The following PRKCB variants were observed in gnomAD, a reference collection of about 807,000 sequenced individuals.
PRKCB encodes the protein protein kinase C beta type.
PRKCB carries 13 observed loss-of-function variants against 81.5 expected under a neutral mutation model. The observed-to-expected ratio is 0.16, with a 90% CI of 0.10 to 0.25. The LOEUF (loss-of-function observed/expected upper bound fraction) is 0.25. PRKCB is among the 10% of genes least tolerant of loss of function. PRKCB has a pLI of 1.00. For missense variants in PRKCB, 509 were observed against 875.7 expected, an observed-to-expected ratio of 0.58 and a Z score of 5.29; for synonymous variants, 335 against 321.4, an observed-to-expected ratio of 1.04 and a Z score of -0.45.
intron 2 of PRKCB, among the ~76,000 whole-genome samples, chr16:23,885,501 G>T (rs1048232323): frequency 1.3e-5 from 2 of 152,020 alleles, no homozygotes; most frequent in Non-Finnish European, 2.9e-5. Flanking sequence ...TAGAGATGGG[G>T]TTTCACCATC....
chr16:23,880,059 T>G (rs1483137704), intron 2 of PRKCB, among the ~76,000 whole-genome samples: 1 of 152,086 alleles, frequency 6.6e-6, no homozygotes, highest in Non-Finnish European at 1.5e-5. Context: ...GCTCTGAAAG[T>G]GTATTAATAT....
chr16:23,875,160 C>G (rs138756909), intron 2 of PRKCB, among the ~76,000 whole-genome samples: 3 of 151,944 alleles, frequency 2.0e-5, no homozygotes, highest in Admixed American at 6.6e-5. Flanking sequence ...CCTCAGCCCC[C>G]ACAAGTGGTT....
At chr16:24,111,875 A>T (rs765701474) in intron 7 of PRKCB, among the ~76,000 whole-genome samples, 2 of 152,214 alleles carry the variant, frequency 1.3e-5, no homozygotes, top group Non-Finnish European at 2.9e-5. Context: ...CTGAATGCCA[A>T]GTGCTGTGCT....
At chr16:24,208,452 T>G (rs1195192077) in intron 16 of PRKCB, 1 of 152,164 alleles carries the variant, frequency 6.6e-6, no homozygotes, top group African/African-American at 2.4e-5. Flanking sequence ...CTGTCTAGAT[T>G]CTTAAATTCA....
chr16:23,962,256 C>G (rs1239519609), intron 2 of PRKCB, among the ~76,000 whole-genome samples: 2 of 152,254 alleles, frequency 1.3e-5, no homozygotes, highest in South Asian at 2.1e-4. Context: ...GTGCCACAAC[C>G]CTCGCCACCT....
At chr16:23,967,711 G>A (rs1567328935) in intron 2 of PRKCB, among the ~76,000 whole-genome samples, 1 of 151,772 alleles carries the variant, frequency 6.6e-6, no homozygotes, top group Non-Finnish European at 1.5e-5. Flanking sequence ...GGAGTGCAAT[G>A]GCACAACCCC....
chr16:24,090,030 A>T (rs1040958435), intron 5 of PRKCB, among the ~76,000 whole-genome samples: 2 of 152,128 alleles, frequency 1.3e-5, no homozygotes, highest in Admixed American at 1.3e-4. Flanking sequence ...GGACCCTGGG[A>T]TCTTATAGCC....
rs1216692460 is a variant in PRKCB at position 24,021,087 on chromosome 16, C to CT, written c.289-11042dup. On this transcript the variant is annotated intron_variant, in intron 3 of 16. Transcript: ENST00000643927. ...CCCTCCCTCCCTTCTTTCTTTCTTTCTTTTTTTCTTTCTTTCTTTCCTTCT... is the reference window on the plus strand; with the variant it reads ...CCCTCCCTCCCTTCTTTCTTTCTTTCTTTTTTTTCTTTCTTTCTTTCCTTCT... Among the ~76,000 whole-genome samples the CT allele has an allele frequency of 3.3e-5, 4 of 119,904 alleles. No homozygotes were observed. The Middle Eastern group carries it at 0.014, about 405-fold the overall frequency. The allele number at this position is 119,904 out of a possible 152,430, so 78.7% of individuals were successfully genotyped here. A position where few individuals can be genotyped will look rare whatever the true frequency, so the allele number is the denominator to read the frequency against.
chr16:23,855,733 G>A (rs1182113786), intron 2 of PRKCB, among the ~76,000 whole-genome samples: 2 of 152,226 alleles, frequency 1.3e-5, no homozygotes, highest in Admixed American at 1.3e-4. Flanking sequence ...AGTTGTAATA[G>A]AGGCCAAAGC....
intron 2 of PRKCB, among the ~76,000 whole-genome samples, chr16:23,899,940 G>A (rs1034402770): frequency 1.3e-5 from 2 of 152,078 alleles, no homozygotes; most frequent in African/African-American, 4.8e-5. Flanking sequence ...TCCTGTCTCA[G>A]CCTCCCAAAG....
chr16:24,077,185 C>CGT (rs1252091029), intron 5 of PRKCB, among the ~76,000 whole-genome samples: 1 of 151,660 alleles, frequency 6.6e-6, no homozygotes, highest in Non-Finnish European at 1.5e-5. Context: ...TGCACATGCA[C>CGT]GTGTGTGTGT....
intron 5 of PRKCB, among the ~76,000 whole-genome samples, chr16:24,080,402 G>T (rs1416637552): frequency 6.6e-6 from 1 of 152,200 alleles, no homozygotes; most frequent in Non-Finnish European, 1.5e-5. Flanking sequence ...GTTGTAGATT[G>T]CACCAAAGGG....
At chr16:24,207,773 A>T (rs1396826573) in intron 16 of PRKCB, among the ~76,000 whole-genome samples, 4 of 152,196 alleles carry the variant, frequency 2.6e-5, no homozygotes, top group Non-Finnish European at 5.9e-5. Context: ...TCGTGGAGGA[A>T]GTGACACTGC....
At chr16:23,926,038 G>A (rs1002648552) in intron 2 of PRKCB, among the ~76,000 whole-genome samples, 2 of 151,886 alleles carry the variant, frequency 1.3e-5, no homozygotes, top group African/African-American at 2.4e-5. Context: ...ACACTGGGAG[G>A]CTGACGAAGG....
intron 13 of PRKCB, among the ~76,000 whole-genome samples, chr16:24,183,151 C>A (rs1967654104): frequency 6.6e-6 from 1 of 152,252 alleles, no homozygotes. Context: ...GAGAAGTGTT[C>A]TCCTGGAATG....
rs1424111379 is a variant in PRKCB at position 23,873,183 on chromosome 16, C to A, written c.205+35777C>A. Among the ~76,000 whole-genome samples, 7 of 90,930 alleles carry A rather than the reference C, an allele frequency of 7.7e-5. No homozygotes were observed. In the South Asian group the frequency reaches 2.2e-3, roughly 29 times the overall value. The allele number at this position is 90,930 out of a possible 152,430, so 59.7% of individuals were successfully genotyped here. ...TCTCTACTAAAAACACACACACACACACACACAAAAAAAAAAAAAAAAAAA... is the reference window on the plus strand; with the variant it reads ...TCTCTACTAAAAACACACACACACAAACACACAAAAAAAAAAAAAAAAAAA... On this transcript the variant is annotated intron_variant, in intron 2 of 16. Coordinates refer to ENST00000643927, the MANE Select transcript of PRKCB (RefSeq NM_002738.7).
chr16:23,876,542 G>C (rs1963016232), intron 2 of PRKCB, among the ~76,000 whole-genome samples: 1 of 151,410 alleles, frequency 6.6e-6, no homozygotes, highest in Non-Finnish European at 1.5e-5. Flanking sequence ...CCTTATGCTG[G>C]TTCTTTTGTC....
chr16:23,836,468 G>A, intron 1 of PRKCB, 120 bp downstream of exon 1: 1 of 1,384,330 alleles, frequency 7.2e-7, no homozygotes, highest in Non-Finnish European at 9.7e-7. Context: ...CCGCGTCTCC[G>A]GACTCCCGGC....
At chr16:24,205,494 AATG>A (rs1968032577) in intron 16 of PRKCB, among the ~76,000 whole-genome samples, 1 of 152,070 alleles carries the variant, frequency 6.6e-6, no homozygotes, top group African/African-American at 2.4e-5. Flanking sequence ...TTCTGCGATA[AATG>A]TAGGAGACTG....
Sources: gnomAD v4.1 joint callset for allele counts (sites outside exome capture counted in the v4.1 genomes callset) on GRCh38, gnomAD v4.1.1 for gene constraint, MANE v1.5 for transcripts, NCBI Gene and HGNC (gene_info 2026-07-23, HGNC 2026-07-21) for gene names.